Variants in PDE8A observed in about 807,000 individuals in gnomAD.
PDE8A encodes the protein phosphodiesterase 8A.
A neutral mutation model predicts 105.0 loss-of-function variants in PDE8A; 59 were observed. The observed-to-expected ratio is 0.56, with a 90% confidence interval of 0.46 to 0.70. The LOEUF is 0.70. Among genes scored for constraint, PDE8A ranks in the 30% least tolerant of loss-of-function variants. The probability of loss-of-function intolerance (pLI) is 0.00; values close to 1 mark genes in which losing one functional copy is unlikely to be tolerated. For missense variants in PDE8A, 1,014 were observed against 1,045.9 expected (o/e 0.97, Z 0.42); for synonymous variants, 355 against 371.9 (o/e 0.95, Z 0.52).
intron 1 of PDE8A, among the ~76,000 whole-genome samples, chr15:85,010,330 G>A (rs2080219087): frequency 6.6e-6 from 1 of 152,192 alleles, no homozygotes; most frequent in Admixed American, 6.5e-5. Flanking sequence ...ATGTTCATAT[G>A]CACCTGTCCC....
intron 6 of PDE8A, among the ~76,000 whole-genome samples, chr15:85,084,372 T>G (rs2081516122): frequency 6.6e-6 from 1 of 151,924 alleles, no homozygotes; most frequent in South Asian, 2.1e-4. Context: ...CAAAATGAAA[T>G]GAATGATTAG....
intron 1 of PDE8A, among the ~76,000 whole-genome samples, chr15:85,055,866 T>G (rs2081051200): frequency 6.6e-6 from 1 of 152,176 alleles, no homozygotes; most frequent in South Asian, 2.1e-4. Flanking sequence ...GTTAGCTGGT[T>G]ATTTTGCTCG....
chr15:85,136,695 C>T, intron 21 of PDE8A, 32 bp downstream of exon 21: 2 of 1,600,806 alleles, frequency 1.2e-6, no homozygotes, highest in East Asian at 2.2e-5. Context: ...AGCATATTTT[C>T]CTCTAAATAA....
intron 1 of PDE8A, among the ~76,000 whole-genome samples, chr15:85,004,365 A>G (rs185652961): frequency 6.6e-6 from 1 of 152,296 alleles, no homozygotes; most frequent in East Asian, 1.9e-4. Flanking sequence ...AGGGGCAGGC[A>G]TGTCATAGAA....
chr15:85,000,494 A>G (rs1051744457), intron 1 of PDE8A, among the ~76,000 whole-genome samples: 1 of 152,218 alleles, frequency 6.6e-6, no homozygotes, highest in African/African-American at 2.4e-5. Flanking sequence ...TCAGTTGTTT[A>G]TAGGGCTAGC....
chr15:85,073,117 A>G (rs1402736263), intron 3 of PDE8A, among the ~76,000 whole-genome samples: 2 of 152,108 alleles, frequency 1.3e-5, no homozygotes, highest in African/African-American at 4.8e-5. Context: ...TTGTCTCAAA[A>G]AAAAAGTGGG....
chr15:85,031,015 C>T (rs796971581), intron 1 of PDE8A, among the ~76,000 whole-genome samples: 18 of 152,144 alleles, frequency 1.2e-4, no homozygotes, highest in African/African-American at 3.6e-4. Flanking sequence ...ATACGTTTAG[C>T]GCATAAAAGG....
intron 1 of PDE8A, among the ~76,000 whole-genome samples, chr15:84,987,488 A>T (rs1389360472): frequency 5.0e-4 from 12 of 24,156 alleles, no homozygotes; most frequent in African/African-American, 1.4e-3. Context: ...TTTTTTTTTT[A>T]AAGACAGTTT....
chr15:84,994,196 T>G (rs1290222490), intron 1 of PDE8A, among the ~76,000 whole-genome samples: 3 of 152,260 alleles, frequency 2.0e-5, no homozygotes, highest in Non-Finnish European at 4.4e-5. Context: ...GTTTTTGTCT[T>G]CAGTCTATGG....
intron 1 of PDE8A, among the ~76,000 whole-genome samples, chr15:84,990,353 A>C (rs1292174612): frequency 6.6e-6 from 1 of 152,172 alleles, no homozygotes. Flanking sequence ...ACAATATTAT[A>C]ATCACCCCCA....
intron 11 of PDE8A, among the ~76,000 whole-genome samples, chr15:85,101,832 G>T (rs2081867358): frequency 6.6e-6 from 1 of 152,188 alleles, no homozygotes; most frequent in South Asian, 2.1e-4. Flanking sequence ...TCTGAGCCTG[G>T]AGATTCAGGC....
Position 85,099,000 on chromosome 15 carries a change from A to G in PDE8A, c.941+964A>G, listed in dbSNP as rs193209761. ...AAAATATGAGAAAGGTTATGATACA[A>G]TGTTAAATGCAAAAAGTAAAATGTA... On this transcript the variant is annotated intron_variant, in intron 9 of 21. Coordinates refer to ENST00000394553, the MANE Select transcript of PDE8A (RefSeq NM_002605.3). Among the ~76,000 whole-genome samples the G allele has an allele frequency of 9.8e-4, 150 of 152,300 alleles. 1 individual carries two copies. Among genetic ancestry groups the G allele is most frequent in the African/African-American group, 3.4e-3 (141 of 41,566 alleles).
At chr15:85,045,655 C>T (rs530088223) in intron 1 of PDE8A, among the ~76,000 whole-genome samples, 23 of 152,316 alleles carry the variant, frequency 1.5e-4, no homozygotes, top group African/African-American at 5.5e-4. Context: ...TCCTGCTACC[C>T]AAGGGACAGG....
chr15:85,068,943 A>G (rs889745417), intron 3 of PDE8A, among the ~76,000 whole-genome samples: 1 of 152,242 alleles, frequency 6.6e-6, no homozygotes, highest in Non-Finnish European at 1.5e-5. Flanking sequence ...AAGAAAATGT[A>G]CTATTGCTGT....
In PDE8A at chr15:85,136,539, T is replaced by C. The variant is rs1303094367; in HGVS notation, c.2259T>C (p.Asp753=). The C allele has an allele frequency of 1.9e-6, 3 of 1,613,158 alleles. No homozygotes were observed. The highest frequency in any genetic ancestry group is 2.5e-6 in the Non-Finnish European group (3 of 1,179,584). The change falls in exon 21 of 22, where the codon GAT becomes GAC. Residue 753 remains aspartate, a synonymous_variant. Coordinates refer to ENST00000394553, the MANE Select transcript of PDE8A (RefSeq NM_002605.3). ...TCACATTTTCTGCTTTACAGACTGA[T>C]GAAGAGAAGCAGCAGGGCTTACCTG... ...RISEEYFSQT[D]EEKQQGLPVV...
chr15:85,131,850 G>C, intron 20 of PDE8A, among the ~76,000 whole-genome samples: 1 of 152,032 alleles, frequency 6.6e-6, no homozygotes, highest in East Asian at 1.9e-4. Flanking sequence ...TTGCAGGACA[G>C]TTTGCCTGAA....
At position 84,982,333 on chromosome 15, in the gene PDE8A, C is replaced by A. The variant is rs747237683; in HGVS notation, c.171C>A (p.Asp57Glu). The change falls in exon 1 of 22, where the codon GAC becomes GAA. Residue 57 changes from aspartate to glutamate, a missense_variant. By Grantham distance (45) the Asp-to-Glu change is conservative. Coordinates refer to ENST00000394553, the MANE Select transcript of PDE8A (RefSeq NM_002605.3). ...GAGLLESELRDGSGKKVAVAD... is the reference protein window; with the variant it reads ...GAGLLESELREGSGKKVAVAD... Reference sequence around the variant, plus strand: ...GCCTCTTGGAGTCGGAGCTTCGCGACGGCAGCGGCAAGAAGGTAAGGGGCG... The same window carrying A: ...GCCTCTTGGAGTCGGAGCTTCGCGAAGGCAGCGGCAAGAAGGTAAGGGGCG... 2.6e-5 allele frequency: 35 copies of A among 1,326,974 alleles called. No individual in the cohort carries two copies. Among genetic ancestry groups the A allele is most frequent in the Middle Eastern group, 2.5e-4 (1 of 3,962 alleles). The allele number at this position is 1,326,974 out of a possible 1,614,324, so 82.2% of individuals were successfully genotyped here.
intron 6 of PDE8A, 41 bp downstream of exon 6, chr15:85,083,685 G>A: frequency 4.0e-6 from 5 of 1,241,846 alleles, no homozygotes; most frequent in Non-Finnish European, 5.9e-6. Flanking sequence ...GGCCATACAG[G>A]GCAGCATGGC....
chr15:85,079,955 G>A, intron 5 of PDE8A, among the ~76,000 whole-genome samples: 1 of 152,030 alleles, frequency 6.6e-6, no homozygotes, highest in Non-Finnish European at 1.5e-5. Context: ...ATATGAATGG[G>A]CTGAATTCTT....
Sources: gnomAD v4.1 joint callset for allele counts (sites outside exome capture counted in the v4.1 genomes callset) on GRCh38, gnomAD v4.1.1 for gene constraint, MANE v1.5 for transcripts, NCBI Gene and HGNC (gene_info 2026-07-23, HGNC 2026-07-21) for gene names.